Variants in INPP1 observed in about 807,000 individuals in gnomAD.
The protein encoded by INPP1 is inositol polyphosphate 1-phosphatase.
In INPP1, 18 loss-of-function variants were observed where a neutral mutation model predicts 23.0. That is an observed-to-expected ratio of 0.78 (90% CI 0.54 to 1.16). The LOEUF (loss-of-function observed/expected upper bound fraction) is 1.16. Ranked by LOEUF, INPP1 falls within the 50% of genes most tolerant of loss-of-function variation. The probability of loss-of-function intolerance (pLI) is 0.00; values close to 1 mark genes in which losing one functional copy is unlikely to be tolerated. For synonymous variants in INPP1, 164 were observed against 176.3 expected, an observed-to-expected ratio of 0.93 and a Z score of 0.55; for missense variants, 448 against 482.1, an observed-to-expected ratio of 0.93 and a Z score of 0.66.
At position 190,346,688 on chromosome 2, in the gene INPP1, A is replaced by C. The variant is rs2124910450; in HGVS notation, c.-208-2200A>C. On this transcript the variant is annotated intron_variant, in intron 1 of 6. Coordinates refer to ENST00000392329, the MANE Select transcript of INPP1 (RefSeq NM_001128928.2). The surrounding 1 kb of genome is among the most constrained non-coding windows in gnomAD (Gnocchi z 5.1). ...ACAGTGGTGTGATCATGGCTTATGC[A>C]GTCTCCACCTCTCAGGCTCAAGGAA... 6.6e-6 allele frequency among the ~76,000 whole-genome samples: 1 copy of C among 151,876 alleles called. No homozygotes were observed. Among genetic ancestry groups the C allele is most frequent in the South Asian group, 2.1e-4 (1 of 4,788 alleles).
In INPP1 at chr2:190,369,151, A is replaced by G; in HGVS notation, c.515A>G (p.Gln172Arg). The G allele has an allele frequency of 6.2e-7, 1 of 1,607,624 alleles. No homozygotes were observed. The highest frequency in any genetic ancestry group is 8.5e-7 in the Non-Finnish European group (1 of 1,175,254). The change falls in exon 6 of 7, where the codon CAG becomes CGG. Residue 172 changes from glutamine (Q) to arginine (R), a missense_variant. Physicochemically the swap from Gln to Arg is conservative, Grantham distance 43 (BLOSUM62 1). Transcript: ENST00000392329. Reference sequence around the variant, plus strand: ...GGTTCTGCTGACATTAAATCCAACCAGGGAATCTTCCCCTGTGGACTTCAG... The same window carrying G: ...GGTTCTGCTGACATTAAATCCAACCGGGGAATCTTCCCCTGTGGACTTCAG... ...IKGSADIKSNQGIFPCGLQCV... is the reference protein window; with the variant it reads ...IKGSADIKSNRGIFPCGLQCV...
At chr2:190,348,573 A>C (rs148707896) in intron 1 of INPP1, among the ~76,000 whole-genome samples, 3 of 152,222 alleles carry the variant, frequency 2.0e-5, no homozygotes, top group Admixed American at 6.5e-5. Flanking sequence ...CCTAGTAACC[A>C]CCATCCTACT....
In INPP1 at chr2:190,371,233, C is replaced by G; in HGVS notation, c.1031C>G (p.Thr344Arg). 1 of 1,613,260 alleles carries G rather than the reference C, an allele frequency of 6.2e-7. No individual in the cohort carries two copies. The highest frequency in any genetic ancestry group is 8.5e-7 in the Non-Finnish European group (1 of 1,179,428). ...GAATGCTTAGAAAGAAATCCAGAAA[C>G]AGGGCTTGATTTGCCACAGTTGGTG... is the stretch of plus-strand genomic sequence containing the variant. ...LKECLERNPE[T>R]GLDLPQLVYH... The change falls in exon 7 of 7, where the codon ACA becomes AGA. Residue 344 changes from threonine to arginine, a missense_variant. Coordinates refer to ENST00000392329, the MANE Select transcript of INPP1 (RefSeq NM_001128928.2). This position sits in a 1 kb window ranked among gnomAD's most constrained non-coding sequence, Gnocchi z 5.3.
At position 190,370,884 on chromosome 2, in the gene INPP1, A is replaced by C; in HGVS notation, c.682A>C (p.Thr228Pro). Residue 228 changes from threonine (T) to proline (P), a missense_variant, in exon 7 of 7, where the codon ACC (threonine) becomes CCC (proline). Transcript: ENST00000392329. ...CTATTGGGGCCTTTCTTACATGGGG[A>C]CCAACATGCATTCACTACAGCTCAC... Reference protein sequence around the residue: ...QCYWGLSYMGTNMHSLQLTIS... With the variant: ...QCYWGLSYMGPNMHSLQLTIS... 1 of 1,613,796 alleles carries C rather than the reference A, an allele frequency of 6.2e-7. No homozygotes were observed.
In INPP1 at chr2:190,354,809, C is replaced by T. The variant is rs1689389075; in HGVS notation, c.-64-5230C>T. Among the ~76,000 whole-genome samples, 1 of 152,126 alleles carries T rather than the reference C, an allele frequency of 6.6e-6. No individual in the cohort carries two copies. The highest frequency in any genetic ancestry group is 2.4e-5 in the African/African-American group (1 of 41,412). ...ACTTAATAGATGAGCTTTTACTACC[C>T]AGAAGGGTCCTTAACAGAGGCTGAA... is the stretch of plus-strand genomic sequence containing the variant. On this transcript the variant is annotated intron_variant, in intron 2 of 6. Coordinates refer to ENST00000392329, the MANE Select transcript of INPP1 (RefSeq NM_001128928.2). This position sits in a 1 kb window ranked among gnomAD's most constrained non-coding sequence, Gnocchi z 4.8.
At chr2:190,364,789 G>C (rs542448555) in intron 4 of INPP1, among the ~76,000 whole-genome samples, 7 of 151,520 alleles carry the variant, frequency 4.6e-5, no homozygotes, top group Admixed American at 3.9e-4. Context: ...TTTTATTAGA[G>C]ACAGGGGTTT....
rs1689157159 is a variant in INPP1, at chr2:190,343,689, G to C, written c.-481G>C. Reference sequence around the variant, plus strand: ...GCGCGTTTCCACGCCGCGGTCCCGCGGGAAAGCCGGGGGCGGCGGCCTGGC... The same window carrying C: ...GCGCGTTTCCACGCCGCGGTCCCGCCGGAAAGCCGGGGGCGGCGGCCTGGC... On this transcript the variant is annotated 5_prime_UTR_variant, in exon 1 of 7. Coordinates refer to ENST00000392329, the MANE Select transcript of INPP1 (RefSeq NM_001128928.2). The C allele has an allele frequency of 6.6e-6, 1 of 152,070 alleles. No individual in the cohort carries two copies. Among genetic ancestry groups the C allele is most frequent in the African/African-American group, 2.4e-5 (1 of 41,418 alleles). 9.4% of individuals were successfully genotyped at this position (152,070 alleles called of 1,614,324 possible). A position where few individuals can be genotyped will look rare whatever the true frequency, so the allele number is the denominator to read the frequency against.
intron 4 of INPP1, among the ~76,000 whole-genome samples, chr2:190,365,571 C>T (rs2124939071): frequency 6.6e-6 from 1 of 152,280 alleles, no homozygotes; most frequent in South Asian, 2.1e-4. Context: ...CAAAATTGTG[C>T]CCACATGGGC....
rs528715510 is a variant in INPP1, at chr2:190,356,932, G to A, written c.-64-3107G>A. On this transcript the variant is annotated intron_variant, in intron 2 of 6. Coordinates refer to ENST00000392329, the MANE Select transcript of INPP1 (RefSeq NM_001128928.2). The surrounding 1 kb of genome is among the most constrained non-coding windows in gnomAD (Gnocchi z 6.4). ...CTTTTGTGGCCATGTATTATACTGAGATATGTATGCATATCTGTGATTGTA... is the reference window on the plus strand; with the variant it reads ...CTTTTGTGGCCATGTATTATACTGAAATATGTATGCATATCTGTGATTGTA... 2 of 152,118 alleles carry A rather than the reference G, an allele frequency of 1.3e-5. No homozygotes were observed. The highest frequency in any genetic ancestry group is 2.9e-5 in the Non-Finnish European group (2 of 68,022). 9.4% of individuals were successfully genotyped at this position (152,118 alleles called of 1,614,324 possible).
At chr2:190,362,789 T>A in intron 4 of INPP1, 102 bp downstream of exon 4, 1 of 657,548 alleles carries the variant, frequency 1.5e-6, no homozygotes, top group East Asian at 2.9e-5. Context: ...CCACTTACTG[T>A]AAACAACATA....
rs896654722 is a variant in INPP1 at position 190,356,776 on chromosome 2, C to T, written c.-64-3263C>T. ...TTGTTTATCTTGAAAGCTTTCAAATCGGACTCCTTGAGATCTTCACGCTAC... is the reference window on the plus strand; with the variant it reads ...TTGTTTATCTTGAAAGCTTTCAAATTGGACTCCTTGAGATCTTCACGCTAC... On this transcript the variant is annotated intron_variant, in intron 2 of 6. Transcript: ENST00000392329. This position sits in a 1 kb window ranked among gnomAD's most constrained non-coding sequence, Gnocchi z 6.4. 2.0e-5 allele frequency: 3 copies of T among 151,780 alleles called. No individual in the cohort carries two copies. Among genetic ancestry groups the T allele is most frequent in the South Asian group, 2.1e-4 (1 of 4,806 alleles). The allele number at this position is 151,780 out of a possible 1,614,324, so 9.4% of individuals were successfully genotyped here.
At position 190,352,574 on chromosome 2, in the gene INPP1, GC is replaced by G. The variant is rs1055588741; in HGVS notation, c.-65+3550del. Among the ~76,000 whole-genome samples the G allele has an allele frequency of 1.3e-5, 2 of 152,116 alleles. No individual in the cohort carries two copies. The highest frequency in any genetic ancestry group is 2.4e-5 in the African/African-American group (1 of 41,432). On this transcript the variant is annotated intron_variant, in intron 2 of 6. Coordinates refer to ENST00000392329, the MANE Select transcript of INPP1 (RefSeq NM_001128928.2). This position sits in a 1 kb window ranked among gnomAD's most constrained non-coding sequence, Gnocchi z 4.7. ...ATTAGCAAGTGACACAACACAGCGA[GC>G]CCCCCCTCCATATTTAGTGTGGGCC...
Position 190,370,881 on chromosome 2 carries a change from G to T in INPP1, c.679G>T (p.Gly227Trp). 2 of 1,613,420 alleles carry T rather than the reference G, an allele frequency of 1.2e-6. No individual in the cohort carries two copies. Among genetic ancestry groups the T allele is most frequent in the Non-Finnish European group, 8.5e-7 (1 of 1,179,550 alleles). Residue 227 changes from glycine (G) to tryptophan (W), a missense_variant, in exon 7 of 7, where the codon GGG becomes TGG. Gly to Trp is a radical substitution (Grantham distance 184). Transcript: ENST00000392329. ...GQCYWGLSYM[G>W]TNMHSLQLTI... Reference sequence around the variant, plus strand: ...GTGCTATTGGGGCCTTTCTTACATGGGGACCAACATGCATTCACTACAGCT... The same window carrying T: ...GTGCTATTGGGGCCTTTCTTACATGTGGACCAACATGCATTCACTACAGCT...
chr2:190,368,780 A>G lies in INPP1; in HGVS notation c.467-323A>G, dbSNP rs948573322. 1 of 168,342 alleles carries G rather than the reference A, an allele frequency of 5.9e-6. No homozygotes were observed. The highest frequency in any genetic ancestry group is 1.3e-5 in the Non-Finnish European group (1 of 78,894). The allele number at this position is 168,342 out of a possible 1,614,324, so 10.4% of individuals were successfully genotyped here. A position where few individuals can be genotyped will look rare whatever the true frequency, so the allele number is the denominator to read the frequency against. On this transcript the variant is annotated intron_variant, in intron 5 of 6. Transcript: ENST00000392329. The surrounding 1 kb of genome is among the most constrained non-coding windows in gnomAD (Gnocchi z 4.3). ...TAGTCCTCTGATTAGTAGTATTTCTAAAATAATCCCACCAATTATTCTGGT... is the reference window on the plus strand; with the variant it reads ...TAGTCCTCTGATTAGTAGTATTTCTGAAATAATCCCACCAATTATTCTGGT...
intron 2 of INPP1, among the ~76,000 whole-genome samples, chr2:190,350,761 A>G (rs1689309734): frequency 6.6e-6 from 1 of 152,230 alleles, no homozygotes. Flanking sequence ...AGATTCACAT[A>G]TACCATATTT....
At chr2:190,364,339 T>G (rs370147399) in intron 4 of INPP1, among the ~76,000 whole-genome samples, 1 of 151,658 alleles carries the variant, frequency 6.6e-6, no homozygotes, top group Non-Finnish European at 1.5e-5. Context: ...GGAAATTGAG[T>G]CCATCCTGGC....
At chr2:190,348,358 GTTTT>G (rs200031403) in intron 1 of INPP1, among the ~76,000 whole-genome samples, 1 of 150,162 alleles carries the variant, frequency 6.7e-6, no homozygotes, top group Non-Finnish European at 1.5e-5. Context: ...GTAATTTTTT[GTTTT>G]TTTTTAACTT....
chr2:190,360,155 T>C lies in INPP1; in HGVS notation c.53T>C (p.Ile18Thr). ...TGTGTCTCTGAGAAGGCTGCTAACATTGCCCGGGCGTGCAGACAGCAGGAA... is the reference window on the plus strand; with the variant it reads ...TGTGTCTCTGAGAAGGCTGCTAACACTGCCCGGGCGTGCAGACAGCAGGAA... Reference protein sequence around the residue: ...LLCVSEKAANIARACRQQEAL... With the variant: ...LLCVSEKAANTARACRQQEAL... Residue 18 changes from isoleucine to threonine, a missense_variant, in exon 3 of 7, where the codon ATT becomes ACT. Physicochemically the swap from Ile to Thr is moderately conservative, Grantham distance 89. Transcript: ENST00000392329. The C allele has an allele frequency of 6.2e-7, 1 of 1,614,038 alleles. No homozygotes were observed. Among genetic ancestry groups the C allele is most frequent in the Non-Finnish European group, 8.5e-7 (1 of 1,180,022 alleles).
At position 190,368,712 on chromosome 2, in the gene INPP1, T is replaced by A. The variant is rs565567834; in HGVS notation, c.467-391T>A. The A allele has an allele frequency of 1.3e-5, 2 of 153,756 alleles. No individual in the cohort carries two copies. Among genetic ancestry groups the A allele is most frequent in the East Asian group, 3.8e-4 (2 of 5,254 alleles). The allele number at this position is 153,756 out of a possible 1,614,324, so 9.5% of individuals were successfully genotyped here. On this transcript the variant is annotated intron_variant, in intron 5 of 6. Transcript: ENST00000392329. The surrounding 1 kb of genome is among the most constrained non-coding windows in gnomAD (Gnocchi z 4.3). ...TGTGCTATCAAATAGTAGGTCTTTT[T>A]TTTTCACCCATTGGAAGGAGGCTTT...
Sources: allele counts gnomAD v4.1 joint callset (sites outside exome capture counted in the v4.1 genomes callset), GRCh38; gene constraint gnomAD v4.1.1; non-coding constraint Gnocchi (gnomAD v3.1); transcripts MANE v1.5; gene names NCBI Gene and HGNC (gene_info 2026-07-23, HGNC 2026-07-21).